Variants in CNTNAP5 observed in about 807,000 individuals in gnomAD.
CNTNAP5 encodes the protein contactin associated protein family member 5, also known as contactin-associated protein-like 5.
In CNTNAP5, 72 loss-of-function variants were observed where a neutral mutation model predicts 150.2. The ratio of observed to expected loss-of-function variants is 0.48; its 90% confidence interval spans 0.40 to 0.58. The LOEUF (loss-of-function observed/expected upper bound fraction) is 0.58. Among genes scored for constraint, CNTNAP5 ranks in the 20% least tolerant of loss-of-function variants. CNTNAP5 has a pLI of 0.00. For missense variants in CNTNAP5, 1,636 were observed against 1,626.2 expected (o/e 1.01, Z -0.10); for synonymous variants, 672 against 619.8 (o/e 1.08, Z -1.25).
chr2:124,790,619 C>A (rs1034873945), intron 18 of CNTNAP5, among the ~76,000 whole-genome samples: 1 of 152,104 alleles, frequency 6.6e-6, no homozygotes, highest in Non-Finnish European at 1.5e-5. Context: ...CTCTCTATTC[C>A]GCAGGTGACT....
chr2:124,225,350 C>T (rs985544215), intron 2 of CNTNAP5, among the ~76,000 whole-genome samples: 3 of 152,116 alleles, frequency 2.0e-5, no homozygotes, highest in Non-Finnish European at 4.4e-5. Flanking sequence ...CCCAAGTGAT[C>T]TGAATCTGTG....
chr2:124,303,396 T>C (rs1173649666), intron 3 of CNTNAP5, among the ~76,000 whole-genome samples: 1 of 152,184 alleles, frequency 6.6e-6, no homozygotes, highest in Admixed American at 6.5e-5. Flanking sequence ...TGTGCAAATG[T>C]ATATAACAGA....
rs115071994 is a variant in CNTNAP5, at chr2:124,606,261, C to T, written c.1757-3540C>T. Among the ~76,000 whole-genome samples the T allele has an allele frequency of 7.6e-3, 1,154 of 151,844 alleles. 15 individuals are homozygous for T. The highest frequency in any genetic ancestry group is 0.027 in the African/African-American group (1,106 of 41,384). On this transcript the variant is annotated intron_variant, in intron 11 of 23. Transcript: ENST00000682447. ...TAGCTAAAATTATTATACAACTAGA[C>T]TGGATGGATGGGGGAATGGAAAGTT...
chr2:124,793,034 C>T (rs548218286), intron 18 of CNTNAP5, among the ~76,000 whole-genome samples: 1 of 152,160 alleles, frequency 6.6e-6, no homozygotes, highest in Non-Finnish European at 1.5e-5. Context: ...GTTGTCTATC[C>T]TCTTGGATAT....
At chr2:124,762,001 A>G (rs1680966414) in intron 14 of CNTNAP5, among the ~76,000 whole-genome samples, 1 of 152,052 alleles carries the variant, frequency 6.6e-6, no homozygotes, top group African/African-American at 2.4e-5. Flanking sequence ...GAGACATACA[A>G]TTCTATTGCA....
At chr2:124,708,724 A>G (rs1158331179) in intron 13 of CNTNAP5, among the ~76,000 whole-genome samples, 5 of 152,086 alleles carry the variant, frequency 3.3e-5, no homozygotes, top group African/African-American at 7.2e-5. Context: ...GAGTCTGACT[A>G]TGTTTTTGGT....
intron 3 of CNTNAP5, among the ~76,000 whole-genome samples, chr2:124,269,105 T>G (rs1687682371): frequency 6.6e-6 from 1 of 152,048 alleles, no homozygotes; most frequent in Admixed American, 6.6e-5. Context: ...ACCTGGGCAT[T>G]GTGATTGAAA....
At chr2:124,744,417 C>A in intron 13 of CNTNAP5, among the ~76,000 whole-genome samples, 1 of 152,206 alleles carries the variant, frequency 6.6e-6, no homozygotes, top group African/African-American at 2.4e-5. Flanking sequence ...TTATCAGCAG[C>A]ATGAAAATGC....
At chr2:124,082,348 CAAAA>C (rs56285830) in intron 1 of CNTNAP5, among the ~76,000 whole-genome samples, 15,776 of 71,926 alleles carry the variant, frequency 0.22, 907 homozygotes, top group Admixed American at 0.31. Context: ...GACTCTCTCT[CAAAA>C]AAAAAAAAAA....
chr2:124,380,087 T>C (rs931891379), intron 3 of CNTNAP5, among the ~76,000 whole-genome samples: 13 of 152,182 alleles, frequency 8.5e-5, no homozygotes, highest in Non-Finnish European at 4.4e-5. Context: ...GTTATTAATT[T>C]ACTGTTATAA....
At chr2:124,707,859 A>G (rs1365810608) in intron 13 of CNTNAP5, among the ~76,000 whole-genome samples, 1 of 152,356 alleles carries the variant, frequency 6.6e-6, no homozygotes, top group African/African-American at 2.4e-5. Context: ...ATTACATACA[A>G]TTATTATTCC....
At chr2:124,689,277 A>G (rs1359091802) in intron 13 of CNTNAP5, among the ~76,000 whole-genome samples, 1 of 152,164 alleles carries the variant, frequency 6.6e-6, no homozygotes, top group Admixed American at 6.6e-5. Flanking sequence ...AAATAATTTT[A>G]AACAAATTAA....
intron 10 of CNTNAP5, among the ~76,000 whole-genome samples, chr2:124,527,906 C>A (rs1695013146): frequency 6.6e-6 from 1 of 152,140 alleles, no homozygotes; most frequent in African/African-American, 2.4e-5. Context: ...CACAACTACT[C>A]CTGGGTTTGG....
chr2:124,031,039 C>CTA (rs1418768847), intron 1 of CNTNAP5, among the ~76,000 whole-genome samples: 1 of 151,984 alleles, frequency 6.6e-6, no homozygotes, highest in Non-Finnish European at 1.5e-5. Context: ...CACAAACAAG[C>CTA]TATGTTGTTT....
chr2:124,682,575 T>C (rs960453898), intron 13 of CNTNAP5, among the ~76,000 whole-genome samples: 5 of 152,108 alleles, frequency 3.3e-5, no homozygotes, highest in Non-Finnish European at 7.4e-5. Context: ...AGGGGAAAAA[T>C]GGAAACATCA....
At chr2:124,563,900 C>T (rs757604573) in intron 11 of CNTNAP5, among the ~76,000 whole-genome samples, 8 of 152,222 alleles carry the variant, frequency 5.3e-5, no homozygotes, top group Non-Finnish European at 1.2e-4. Flanking sequence ...GCAAACATTA[C>T]TTCCACTCAC....
intron 13 of CNTNAP5, among the ~76,000 whole-genome samples, chr2:124,657,991 G>A (rs547340895): frequency 6.6e-6 from 1 of 152,350 alleles, no homozygotes; most frequent in South Asian, 2.1e-4. Context: ...TCAATAGAAT[G>A]TGAGCTTCTT....
chr2:124,322,410 G>GT (rs142838969), intron 3 of CNTNAP5, among the ~76,000 whole-genome samples: 2,392 of 152,186 alleles, frequency 0.016, 33 homozygotes, highest in South Asian at 0.031. Flanking sequence ...TTTGTTACAT[G>GT]TTTGAGAGGG....
At chr2:124,431,510 T>TATATAC (rs755577508) in intron 4 of CNTNAP5, among the ~76,000 whole-genome samples, 1 of 145,320 alleles carries the variant, frequency 6.9e-6, no homozygotes, top group African/African-American at 2.5e-5. Context: ...GTGTCAAAGA[T>TATATAC]ATATATATAT....
Sources: gnomAD v4.1 joint callset for allele counts (sites outside exome capture counted in the v4.1 genomes callset) on GRCh38, gnomAD v4.1.1 for gene constraint, MANE v1.5 for transcripts, NCBI Gene and HGNC (gene_info 2026-07-23, HGNC 2026-07-21) for gene names.